The following GOSR1 variants were observed in gnomAD, a reference collection of about 807,000 sequenced individuals.
The protein encoded by GOSR1 is 28 kDa Golgi SNARE protein.
In GOSR1, 21 loss-of-function variants were observed where a neutral mutation model predicts 35.5. That is an observed-to-expected ratio of 0.59 (90% CI 0.42 to 0.85). GOSR1 has a LOEUF of 0.85. Ranked by LOEUF, GOSR1 falls within the 40% of genes least tolerant of loss-of-function variation. The probability of loss-of-function intolerance (pLI) is 0.00; values close to 1 mark genes in which losing one functional copy is unlikely to be tolerated. For missense variants in GOSR1, 285 were observed against 309.6 expected (o/e 0.92, Z 0.60); for synonymous variants, 94 against 106.6 (o/e 0.88, Z 0.73).
chr17:30,492,209 G>A (rs1915094338), intron 5 of GOSR1, among the ~76,000 whole-genome samples: 1 of 152,260 alleles, frequency 6.6e-6, no homozygotes, highest in Admixed American at 6.5e-5. Flanking sequence ...CCTTAAGTGT[G>A]CCAAAATGAG....
Position 30,520,110 on chromosome 17 carries a change from A to C in GOSR1, c.622+89A>C, listed in dbSNP as rs565532301. On this transcript the variant is annotated intron_variant, in intron 8 of 8. Coordinates refer to ENST00000451249, the MANE Select transcript of GOSR1 (RefSeq NM_001007025.2). ...CTTTTATAGGGGGCAGGTTGCCATC[A>C]TCAGTAGCAGTAGAGCCCATCAGTA... 192 of 808,748 alleles carry C rather than the reference A, an allele frequency of 2.4e-4. 5 individuals carry two copies. In the Admixed American group the frequency reaches 2.9e-3, roughly 12 times the overall value. 50.1% of individuals were successfully genotyped at this position (808,748 alleles called of 1,614,324 possible).
At chr17:30,492,455 A>C (rs755022439) in intron 5 of GOSR1, among the ~76,000 whole-genome samples, 1 of 152,232 alleles carries the variant, frequency 6.6e-6, no homozygotes, top group Non-Finnish European at 1.5e-5. Context: ...TTGGTGAAAA[A>C]CAGTAAACTG....
At chr17:30,512,655 A>G (rs1967655493) in intron 7 of GOSR1, among the ~76,000 whole-genome samples, 1 of 152,192 alleles carries the variant, frequency 6.6e-6, no homozygotes, top group Non-Finnish European at 1.5e-5. Context: ...TTTTCACAGA[A>G]TTTCCTTATG....
chr17:30,507,064 A>G (rs146586447), intron 6 of GOSR1, among the ~76,000 whole-genome samples: 507 of 152,350 alleles, frequency 3.3e-3, no homozygotes, highest in Non-Finnish European at 5.8e-3. Flanking sequence ...GAGATGTACA[A>G]GGAGAGGAGT....
chr17:30,500,561 T>G (rs1163245802), intron 6 of GOSR1, among the ~76,000 whole-genome samples: 4 of 152,230 alleles, frequency 2.6e-5, no homozygotes, highest in Admixed American at 1.3e-4. Context: ...AGTTTATTTC[T>G]GAACTTTGTT....
At chr17:30,513,325 G>A (rs573950768) in intron 7 of GOSR1, among the ~76,000 whole-genome samples, 14 of 152,288 alleles carry the variant, frequency 9.2e-5, no homozygotes, top group Admixed American at 5.9e-4. Context: ...TAACAGGTAA[G>A]AAAGTTGAAG....
intron 4 of GOSR1, among the ~76,000 whole-genome samples, chr17:30,488,380 G>A (rs1284282557): frequency 1.3e-5 from 2 of 151,360 alleles, no homozygotes; most frequent in East Asian, 1.9e-4. Flanking sequence ...TAGCCAGGAT[G>A]GTCTCCATCT....
chr17:30,477,873 G>A lies in GOSR1; in HGVS notation c.31+409G>A, dbSNP rs527593302. ...GAGGAGTCAGCGCATTGGAGCTGAG[G>A]TCACTATTGGAAAACTGAGTGGGAA... On this transcript the variant is annotated intron_variant, in intron 1 of 8. Transcript: ENST00000451249. The A allele has an allele frequency of 1.9e-5, 19 of 984,862 alleles. No homozygotes were observed. The Admixed American group carries it at 8.0e-4, about 41-fold the overall frequency. The allele number at this position is 984,862 out of a possible 1,614,324, so 61.0% of individuals were successfully genotyped here.
At chr17:30,501,615 C>T (rs1300928702) in intron 6 of GOSR1, among the ~76,000 whole-genome samples, 1 of 152,074 alleles carries the variant, frequency 6.6e-6, no homozygotes, top group East Asian at 1.9e-4. Context: ...TCTGCCTCAG[C>T]CTCCCAAGTA....
intron 2 of GOSR1, chr17:30,483,191 C>T (rs575512505): frequency 1.0e-3 from 153 of 151,132 alleles, no homozygotes; most frequent in African/African-American, 3.6e-3. Flanking sequence ...TCATTACCCA[C>T]CTATAAGATG....
chr17:30,495,375 T>A (rs1966956721), intron 6 of GOSR1: 2 of 448,670 alleles, frequency 4.5e-6, no homozygotes, highest in Non-Finnish European at 8.9e-6. Flanking sequence ...TTTGTCATTT[T>A]GAATAAAATA....
intron 1 of GOSR1, among the ~76,000 whole-genome samples, chr17:30,478,316 C>T (rs1280058682): frequency 6.6e-6 from 1 of 152,150 alleles, no homozygotes; most frequent in Admixed American, 6.5e-5. Context: ...TTCCAAATTC[C>T]TTTGACCTGT....
intron 6 of GOSR1, among the ~76,000 whole-genome samples, chr17:30,499,022 T>C (rs984661283): frequency 2.0e-5 from 3 of 152,186 alleles, no homozygotes; most frequent in Non-Finnish European, 4.4e-5. Flanking sequence ...TCCCCGTCCC[T>C]CAGTCCCGGG....
At chr17:30,505,632 A>T (rs1272656468) in intron 6 of GOSR1, among the ~76,000 whole-genome samples, 1 of 152,212 alleles carries the variant, frequency 6.6e-6, no homozygotes, top group South Asian at 2.1e-4. Context: ...CATATCTGTT[A>T]TAGCGATCAG....
At chr17:30,479,880 G>C (rs2143580858) in intron 1 of GOSR1, 1 of 152,300 alleles carries the variant, frequency 6.6e-6, no homozygotes. Context: ...ACTTTTGGAG[G>C]CCCAGGCAGG....
In GOSR1 at chr17:30,523,658, C is replaced by A. The variant is rs1197264890; in HGVS notation, c.*1280C>A. Reference sequence around the variant, plus strand: ...CTCTGCCCGGCCGCCCCTGCCCGGCCGCCCCTACTGGGAAGTGAGGAGCCC... The same window carrying A: ...CTCTGCCCGGCCGCCCCTGCCCGGCAGCCCCTACTGGGAAGTGAGGAGCCC... On this transcript the variant is annotated 3_prime_UTR_variant, in exon 9 of 9. Transcript: ENST00000451249. 5.5e-5 allele frequency: 7 copies of A among 128,380 alleles called. No homozygotes were observed. The highest frequency in any genetic ancestry group is 1.8e-4 in the African/African-American group (5 of 28,296). 8.0% of individuals were successfully genotyped at this position (128,380 alleles called of 1,614,324 possible).
At chr17:30,495,775 C>T (rs1966976295) in intron 6 of GOSR1, among the ~76,000 whole-genome samples, 1 of 152,244 alleles carries the variant, frequency 6.6e-6, no homozygotes, top group African/African-American at 2.4e-5. Flanking sequence ...CCCTGTCTTC[C>T]TGCTGTACCC....
intron 4 of GOSR1, among the ~76,000 whole-genome samples, chr17:30,487,681 G>T (rs536898669): frequency 1.3e-5 from 2 of 152,268 alleles, no homozygotes; most frequent in South Asian, 4.1e-4. Flanking sequence ...TATATTGCTG[G>T]TGGGAACATA....
In GOSR1 at chr17:30,523,038, A is replaced by T. The variant is rs527611049; in HGVS notation, c.*660A>T. On this transcript the variant is annotated 3_prime_UTR_variant, in exon 9 of 9. Transcript: ENST00000451249. ...CGGAGTCTCGTTCACTCAGTGCTCAATGGTGCCCAGGCTGGAGTGCAGTGG... is the reference window on the plus strand; with the variant it reads ...CGGAGTCTCGTTCACTCAGTGCTCATTGGTGCCCAGGCTGGAGTGCAGTGG... 155 of 190,520 alleles carry T rather than the reference A, an allele frequency of 8.1e-4. 1 individual carries two copies. Among genetic ancestry groups the T allele is most frequent in the African/African-American group, 3.5e-3 (146 of 41,924 alleles). 11.8% of individuals were successfully genotyped at this position (190,520 alleles called of 1,614,324 possible).
Sources: allele counts gnomAD v4.1 joint callset (sites outside exome capture counted in the v4.1 genomes callset), GRCh38; gene constraint gnomAD v4.1.1; transcripts MANE v1.5; gene names NCBI Gene and HGNC (gene_info 2026-07-23, HGNC 2026-07-21).